The following OPCML variants were observed in gnomAD, a reference collection of about 807,000 sequenced individuals.
OPCML encodes the protein opioid-binding protein/cell adhesion molecule.
A neutral mutation model predicts 37.8 loss-of-function variants in OPCML; 13 were observed. That is an observed-to-expected ratio of 0.34 (90% CI 0.22 to 0.55). The LOEUF is 0.55. Ranked by LOEUF, OPCML falls within the 20% of genes least tolerant of loss-of-function variation. The pLI is 0.91. For missense variants in OPCML, 341 were observed against 435.6 expected (o/e 0.78, Z 1.93); for synonymous variants, 176 against 168.8 (o/e 1.04, Z -0.33).
intron 3 of OPCML, among the ~76,000 whole-genome samples, chr11:132,594,282 C>T (rs2096489115): frequency 6.6e-6 from 1 of 152,172 alleles, no homozygotes; most frequent in Non-Finnish European, 1.5e-5. Flanking sequence ...ACATTTTTCA[C>T]TTACAGATTT....
At chr11:132,978,128 A>G (rs1221160801) in intron 1 of OPCML, among the ~76,000 whole-genome samples, 1 of 152,214 alleles carries the variant, frequency 6.6e-6, no homozygotes, top group Non-Finnish European at 1.5e-5. Flanking sequence ...TCTGTCTGAT[A>G]GTGGCAGACA....
At chr11:133,524,474 C>T (rs1948451888) in intron 1 of OPCML, among the ~76,000 whole-genome samples, 1 of 144,146 alleles carries the variant, frequency 6.9e-6, no homozygotes, top group Admixed American at 6.8e-5. Flanking sequence ...ACAGTTTTTG[C>T]TTGTTAGCAC....
intron 1 of OPCML, among the ~76,000 whole-genome samples, chr11:132,944,362 C>T (rs371004268): frequency 6.6e-6 from 1 of 152,294 alleles, no homozygotes. Flanking sequence ...CACCGGTGTG[C>T]GTGTCCATCG....
intron 3 of OPCML, among the ~76,000 whole-genome samples, chr11:132,635,112 C>A (rs1277489458): frequency 6.6e-6 from 1 of 152,038 alleles, no homozygotes; most frequent in Non-Finnish European, 1.5e-5. Flanking sequence ...TGGAGTAGTT[C>A]TTCTGGAACA....
intron 1 of OPCML, among the ~76,000 whole-genome samples, chr11:133,050,875 C>T (rs1432614253): frequency 6.6e-6 from 1 of 152,124 alleles, no homozygotes; most frequent in Non-Finnish European, 1.5e-5. Context: ...TTCACATCAG[C>T]CTCTGCTTCT....
intron 1 of OPCML, among the ~76,000 whole-genome samples, chr11:133,216,777 C>G (rs1939601349): frequency 6.6e-6 from 1 of 152,064 alleles, no homozygotes; most frequent in Admixed American, 6.5e-5. Flanking sequence ...TACATTCATG[C>G]ATATGAACAA....
chr11:132,812,065 AC>A, intron 2 of OPCML, among the ~76,000 whole-genome samples: 1 of 152,138 alleles, frequency 6.6e-6, no homozygotes, highest in East Asian at 1.9e-4. Flanking sequence ...TTTTAGCCTA[AC>A]TTTTCTCATT....
intron 7 of OPCML, among the ~76,000 whole-genome samples, chr11:132,435,857 T>C (rs1348051120): frequency 6.6e-6 from 1 of 152,250 alleles, no homozygotes; most frequent in African/African-American, 2.4e-5. Flanking sequence ...TTTACTGCTA[T>C]TGTAAGGGCA....
intron 3 of OPCML, among the ~76,000 whole-genome samples, chr11:132,619,238 T>C (rs1939246599): frequency 6.6e-6 from 1 of 152,188 alleles, no homozygotes; most frequent in Admixed American, 6.5e-5. Flanking sequence ...AGGCCGGGCC[T>C]GCCCATTATG....
intron 6 of OPCML, 133 bp from the exon 7 acceptor site, chr11:132,436,370 G>A (rs2096013111): frequency 6.4e-7 from 1 of 1,559,994 alleles, no homozygotes; most frequent in Non-Finnish European, 8.6e-7. Context: ...GGAGGAGAAG[G>A]GAAATGATGC....
At chr11:132,976,229 T>C (rs776073909) in intron 1 of OPCML, among the ~76,000 whole-genome samples, 16 of 152,134 alleles carry the variant, frequency 1.1e-4, no homozygotes, top group Non-Finnish European at 1.3e-4. Flanking sequence ...AGTTAGTTAT[T>C]TGTTCTGTTC....
chr11:133,375,067 C>T (rs958329522), intron 1 of OPCML, among the ~76,000 whole-genome samples: 1 of 152,170 alleles, frequency 6.6e-6, no homozygotes, highest in African/African-American at 2.4e-5. Flanking sequence ...TGCTCTCTCA[C>T]TCCTGCAAAG....
At chr11:133,363,699 C>T (rs77178564) in intron 1 of OPCML, among the ~76,000 whole-genome samples, 15,296 of 152,170 alleles carry the variant, frequency 0.1, 832 homozygotes, top group East Asian at 0.13. Flanking sequence ...AGGGCCAAAG[C>T]GCAGAAAGAA....
rs139926130 is a variant in OPCML at position 132,812,417 on chromosome 11, G to A, written c.146+130509C>T. Among the ~76,000 whole-genome samples, 1,150 of 152,240 alleles carry A rather than the reference G, an allele frequency of 7.6e-3. 16 individuals are homozygous for A. Among genetic ancestry groups the A allele is most frequent in the African/African-American group, 0.027 (1,106 of 41,496 alleles). On this transcript the variant is annotated intron_variant, in intron 2 of 7. Transcript: ENST00000524381. ...GGAAGAAAATTGAACCAAAGAAATA[G>A]CGTTGACACTCAGAAAATTAACATT... is the stretch of plus-strand genomic sequence containing the variant.
At chr11:133,034,058 T>C (rs1310513336) in intron 1 of OPCML, among the ~76,000 whole-genome samples, 1 of 152,170 alleles carries the variant, frequency 6.6e-6, no homozygotes, top group African/African-American at 2.4e-5. Context: ...TAGCAATTAA[T>C]TTAGGCACAG....
At chr11:132,809,941 C>T (rs535386273) in intron 2 of OPCML, among the ~76,000 whole-genome samples, 1 of 152,178 alleles carries the variant, frequency 6.6e-6, no homozygotes, top group Non-Finnish European at 1.5e-5. Context: ...GCTCCGCCTC[C>T]CGGGTTCACG....
In OPCML at chr11:132,939,158, A is replaced by C. The variant is rs74747947; in HGVS notation, c.146+3768T>G. 5.9e-3 allele frequency among the ~76,000 whole-genome samples: 902 copies of C among 152,284 alleles called. 10 individuals carry two copies. The highest frequency in any genetic ancestry group is 0.021 in the African/African-American group (857 of 41,558). ...TGGAAAAATAATGCATTTGTTTTGA[A>C]TAGTCTAATGGCTACTCAAAATCTT... On this transcript the variant is annotated intron_variant, in intron 2 of 7. Transcript: ENST00000524381.
chr11:133,378,348 G>T (rs147484494), intron 1 of OPCML, among the ~76,000 whole-genome samples: 217 of 152,136 alleles, frequency 1.4e-3, no homozygotes, highest in African/African-American at 5.0e-3. Context: ...CAAACATTAC[G>T]TTTGTATTAA....
At chr11:132,857,920 C>T (rs1176685927) in intron 2 of OPCML, among the ~76,000 whole-genome samples, 4 of 152,024 alleles carry the variant, frequency 2.6e-5, no homozygotes, top group African/African-American at 7.3e-5. Context: ...AGAATTGCTG[C>T]TCTAAGTGTT....
Sources: gnomAD v4.1 joint callset for allele counts (sites outside exome capture counted in the v4.1 genomes callset) on GRCh38, gnomAD v4.1.1 for gene constraint, MANE v1.5 for transcripts, NCBI Gene and HGNC (gene_info 2026-07-23, HGNC 2026-07-21) for gene names.